STPG2: variants seen among roughly 807,000 people sequenced by gnomAD.
STPG2 encodes sperm-tail PG-rich repeat-containing protein 2.
A neutral mutation model predicts 54.2 loss-of-function variants in STPG2; 56 were observed. That is an observed-to-expected ratio of 1.03 (90% CI 0.83 to 1.29). The LOEUF (loss-of-function observed/expected upper bound fraction) is 1.29, where lower values mean the gene tolerates loss of function less well. STPG2 is among the 50% of genes most tolerant of loss of function. The probability of loss-of-function intolerance (pLI) is 0.00; values close to 1 mark genes in which losing one functional copy is unlikely to be tolerated. For missense variants in STPG2, 596 were observed against 544.9 expected, an observed-to-expected ratio of 1.09 and a Z score of -0.93; for synonymous variants, 200 against 181.8, an observed-to-expected ratio of 1.10 and a Z score of -0.81.
chr4:97,634,824 G>T (rs1392630783), intron 10 of STPG2, among the ~76,000 whole-genome samples: 1 of 151,036 alleles, frequency 6.6e-6, no homozygotes, highest in Non-Finnish European at 1.5e-5. Flanking sequence ...AAGCCTCCAA[G>T]AAATATGGGA....
intron 7 of STPG2, among the ~76,000 whole-genome samples, chr4:97,951,166 TC>T (rs1189378423): frequency 6.6e-6 from 1 of 152,116 alleles, no homozygotes; most frequent in African/African-American, 2.4e-5. Flanking sequence ...TGACTCACTG[TC>T]CCCTACCCAC....
At chr4:97,601,515 G>A (rs574500618) in intron 10 of STPG2, among the ~76,000 whole-genome samples, 1 of 151,770 alleles carries the variant, frequency 6.6e-6, no homozygotes, top group Admixed American at 6.6e-5. Flanking sequence ...AATTTTTTGT[G>A]GTATAACTCT....
intron 9 of STPG2, among the ~76,000 whole-genome samples, chr4:97,822,436 ATCTG>A (rs750926325): frequency 2.0e-5 from 3 of 152,194 alleles, no homozygotes; most frequent in Non-Finnish European, 4.4e-5. Flanking sequence ...CTCTCCCAGC[ATCTG>A]TCTGTTACTC....
intron 10 of STPG2, among the ~76,000 whole-genome samples, chr4:97,565,559 G>T (rs924869027): frequency 6.6e-6 from 1 of 152,116 alleles, no homozygotes; most frequent in Admixed American, 6.6e-5. Context: ...CCCCGTCTTT[G>T]TGGTTTTATC....
intron 10 of STPG2, among the ~76,000 whole-genome samples, chr4:97,638,768 G>A (rs1212761637): frequency 4.1e-5 from 6 of 148,120 alleles, no homozygotes; most frequent in African/African-American, 1.3e-4. Context: ...TGGCCATCAG[G>A]GAAATGCAAA....
At chr4:97,808,234 C>A (rs897625420) in intron 9 of STPG2, among the ~76,000 whole-genome samples, 2 of 151,882 alleles carry the variant, frequency 1.3e-5, no homozygotes, top group Non-Finnish European at 2.9e-5. Context: ...ATCTATATGA[C>A]AATTGACTGC....
At chr4:97,728,945 C>T (rs1469000736) in intron 9 of STPG2, among the ~76,000 whole-genome samples, 1 of 151,354 alleles carries the variant, frequency 6.6e-6, no homozygotes, top group African/African-American at 2.4e-5. Context: ...AAGAAAGATA[C>T]AGAGAGACAA....
At chr4:97,804,701 A>G (rs112563962) in intron 9 of STPG2, among the ~76,000 whole-genome samples, 2,763 of 152,228 alleles carry the variant, frequency 0.018, 76 homozygotes, top group African/African-American at 0.063. Flanking sequence ...CTCAACATGC[A>G]CTCACTCACT....
chr4:97,895,993 A>T (rs1730939681), intron 8 of STPG2, among the ~76,000 whole-genome samples: 1 of 151,830 alleles, frequency 6.6e-6, no homozygotes, highest in Non-Finnish European at 1.5e-5. Flanking sequence ...AAGAGGCTTC[A>T]GGTGTGACTT....
intron 8 of STPG2, among the ~76,000 whole-genome samples, chr4:97,900,070 T>C (rs1009400024): frequency 2.0e-5 from 3 of 151,998 alleles, no homozygotes; most frequent in Non-Finnish European, 4.4e-5. Context: ...CTTAAACAAA[T>C]TTACAACAGA....
At chr4:97,573,370 G>A (rs1017494075) in intron 10 of STPG2, among the ~76,000 whole-genome samples, 13 of 151,916 alleles carry the variant, frequency 8.6e-5, no homozygotes, top group African/African-American at 3.1e-4. Flanking sequence ...ACAAGTAACA[G>A]ACCAATTCTG....
chr4:97,624,142 G>A (rs190002095), intron 10 of STPG2, among the ~76,000 whole-genome samples: 118 of 152,228 alleles, frequency 7.8e-4, no homozygotes, highest in African/African-American at 2.7e-3. Flanking sequence ...ATATTCCTTT[G>A]GGTGTATACC....
chr4:97,813,677 TAAAAAAAAAAAAAA>T (rs869298230), intron 9 of STPG2, among the ~76,000 whole-genome samples: 1,523 of 45,980 alleles, frequency 0.033, 47 homozygotes, highest in African/African-American at 0.074. Flanking sequence ...CCCTGTCTCT[TAAAAAAAAAAAAAA>T]AAAAAAAAAA....
intron 4 of STPG2, among the ~76,000 whole-genome samples, chr4:97,445,916 C>A (rs542979422): frequency 6.6e-6 from 1 of 152,232 alleles, no homozygotes; most frequent in Non-Finnish European, 1.5e-5. Flanking sequence ...GAATCTTTTT[C>A]TGGGAAATAA....
At chr4:97,697,515 G>A (rs1378296467) in intron 10 of STPG2, among the ~76,000 whole-genome samples, 2 of 152,140 alleles carry the variant, frequency 1.3e-5, no homozygotes, top group East Asian at 1.9e-4. Flanking sequence ...GTTTGTCTTT[G>A]TATAGTCTGC....
intron 9 of STPG2, among the ~76,000 whole-genome samples, chr4:97,804,815 CT>C (rs1727502535): frequency 6.6e-6 from 1 of 152,064 alleles, no homozygotes; most frequent in Middle Eastern, 3.2e-3. Context: ...AGTATCTTTT[CT>C]GTGTTTAGAT....
intron 8 of STPG2, among the ~76,000 whole-genome samples, chr4:97,872,684 A>T (rs899450326): frequency 1.3e-5 from 2 of 151,330 alleles, no homozygotes; most frequent in Non-Finnish European, 3.0e-5. Context: ...AACATGACAG[A>T]TCATAGGTTA....
chr4:97,556,075 G>T (rs1443424222), downstream of STPG2, among the ~76,000 whole-genome samples: 3 of 152,046 alleles, frequency 2.0e-5, no homozygotes, highest in Non-Finnish European at 2.9e-5. Flanking sequence ...GAAATGAATG[G>T]AGTCATTATT....
intron 4 of STPG2, among the ~76,000 whole-genome samples, chr4:97,454,330 G>C (rs1729455213): frequency 1.3e-5 from 2 of 150,636 alleles, no homozygotes. Context: ...TGGCTAACAA[G>C]GTGAAACCCC....
Sources: gnomAD v4.1 joint callset for allele counts (sites outside exome capture counted in the v4.1 genomes callset) on GRCh38, gnomAD v4.1.1 for gene constraint, MANE v1.5 for transcripts, NCBI Gene and HGNC (gene_info 2026-07-23, HGNC 2026-07-21) for gene names.